Variants in SGCZ observed in about 807,000 individuals in gnomAD.
The protein encoded by SGCZ is zeta-sarcoglycan.
SGCZ carries 40 observed loss-of-function variants against 41.3 expected under a neutral mutation model. That is an observed-to-expected ratio of 0.97 (90% CI 0.75 to 1.26). The LOEUF (loss-of-function observed/expected upper bound fraction) is 1.26. SGCZ is among the 50% of genes most tolerant of loss of function. The probability of loss-of-function intolerance (pLI) is 0.00; values close to 1 mark genes in which losing one functional copy is unlikely to be tolerated. For missense variants in SGCZ, 552 were observed against 369.8 expected, an observed-to-expected ratio of 1.49 and a Z score of -4.04; for synonymous variants, 206 against 137.5, an observed-to-expected ratio of 1.50 and a Z score of -3.49.
At chr8:15,193,866 C>A (rs942295576) in intron 1 of SGCZ, among the ~76,000 whole-genome samples, 2 of 152,016 alleles carry the variant, frequency 1.3e-5, no homozygotes, top group South Asian at 4.1e-4. Flanking sequence ...CATTTATAAC[C>A]AGGGACCTCA....
rs918325040 is a variant in SGCZ, at chr8:14,088,292, A to G, written c.*2151T>C. Among the ~76,000 whole-genome samples, 20 of 151,946 alleles carry G rather than the reference A, an allele frequency of 1.3e-4. No homozygotes were observed. The highest frequency in any genetic ancestry group is 1.3e-3 in the Admixed American group (20 of 15,240). ...TTCTCGAACTGCCTAAAACAGCTCA[A>G]TTGATTAGTAGAAGACAGCTGAGAT... On this transcript the variant is annotated 3_prime_UTR_variant, in exon 8 of 8. Coordinates refer to ENST00000382080, the MANE Select transcript of SGCZ (RefSeq NM_139167.4).
intron 2 of SGCZ, among the ~76,000 whole-genome samples, chr8:14,446,822 C>T (rs957338399): frequency 6.6e-6 from 1 of 151,972 alleles, no homozygotes; most frequent in Non-Finnish European, 1.5e-5. Context: ...GTATATGGAC[C>T]ATTATAGTGT....
chr8:14,873,888 C>A (rs189344354), intron 1 of SGCZ, among the ~76,000 whole-genome samples: 70 of 152,242 alleles, frequency 4.6e-4, no homozygotes, highest in Admixed American at 7.2e-4. Context: ...AACTGTCTTT[C>A]TCTTAGGCTT....
chr8:14,954,941 G>A (rs1800748101), intron 1 of SGCZ, among the ~76,000 whole-genome samples: 1 of 152,126 alleles, frequency 6.6e-6, no homozygotes, highest in South Asian at 2.1e-4. Flanking sequence ...TCAAGTTATT[G>A]CTTTCCCAGG....
intron 1 of SGCZ, among the ~76,000 whole-genome samples, chr8:14,810,156 A>G (rs757274981): frequency 6.6e-6 from 1 of 152,088 alleles, no homozygotes; most frequent in African/African-American, 2.4e-5. Context: ...AGCTCTTATT[A>G]TCATGGCATG....
Position 14,558,500 on chromosome 8 carries a change from G to A in SGCZ, c.40-3574C>T, listed in dbSNP as rs148900813. Among the ~76,000 whole-genome samples, 182 of 151,260 alleles carry A rather than the reference G, an allele frequency of 1.2e-3. 1 individual carries two copies. The East Asian group carries it at 0.027, about 22-fold the overall frequency. Reference sequence around the variant, plus strand: ...TAAGGCAGAAGAATTGCTTGAACCCGGAAGGCAGAGGTTGCAGTGAGCAGA... The same window carrying A: ...TAAGGCAGAAGAATTGCTTGAACCCAGAAGGCAGAGGTTGCAGTGAGCAGA... On this transcript the variant is annotated intron_variant, in intron 1 of 7. Transcript: ENST00000382080.
At chr8:14,478,552 G>C (rs1801428628) in intron 2 of SGCZ, among the ~76,000 whole-genome samples, 1 of 151,988 alleles carries the variant, frequency 6.6e-6, no homozygotes, top group Non-Finnish European at 1.5e-5. Context: ...TGAGTAGGTG[G>C]AGCCCAGACG....
chr8:14,747,216 C>T (rs1436915859), intron 1 of SGCZ, among the ~76,000 whole-genome samples: 2 of 152,238 alleles, frequency 1.3e-5, no homozygotes, highest in African/African-American at 4.8e-5. Context: ...ACCACAGACA[C>T]CTGACCACAG....
intron 1 of SGCZ, among the ~76,000 whole-genome samples, chr8:14,605,151 G>C (rs73194110): frequency 6.6e-6 from 1 of 151,840 alleles, no homozygotes; most frequent in East Asian, 1.9e-4. Context: ...TACTTGCCTC[G>C]AAAAATGACT....
At chr8:15,050,907 C>CT (rs1804487966) in intron 1 of SGCZ, among the ~76,000 whole-genome samples, 1 of 152,144 alleles carries the variant, frequency 6.6e-6, no homozygotes. Flanking sequence ...ACAACATTTT[C>CT]TTTTTTCACC....
chr8:15,126,564 A>T (rs1049937462), intron 1 of SGCZ, among the ~76,000 whole-genome samples: 2 of 152,214 alleles, frequency 1.3e-5, no homozygotes, highest in Non-Finnish European at 2.9e-5. Context: ...TCATGGAAGA[A>T]CTGATGTGAA....
intron 1 of SGCZ, among the ~76,000 whole-genome samples, chr8:15,141,047 C>G (rs950616242): frequency 2.6e-5 from 4 of 152,242 alleles, no homozygotes; most frequent in Admixed American, 6.5e-5. Flanking sequence ...CTACATCTTA[C>G]ATTTCTTTTC....
At chr8:14,602,369 T>C (rs1405250604) in intron 1 of SGCZ, among the ~76,000 whole-genome samples, 1 of 151,928 alleles carries the variant, frequency 6.6e-6, no homozygotes, top group Non-Finnish European at 1.5e-5. Flanking sequence ...CTCGCACCTG[T>C]AATTCCAGGA....
chr8:14,963,622 A>G (rs2130854692), intron 1 of SGCZ, among the ~76,000 whole-genome samples: 1 of 152,336 alleles, frequency 6.6e-6, no homozygotes, highest in Non-Finnish European at 1.5e-5. Context: ...TGCTAGGATT[A>G]CGGGTGTGAG....
intron 1 of SGCZ, among the ~76,000 whole-genome samples, chr8:15,154,133 T>C (rs930427992): frequency 6.6e-6 from 1 of 152,200 alleles, no homozygotes; most frequent in Non-Finnish European, 1.5e-5. Context: ...TAACAGGCCA[T>C]GAACTGGGGG....
intron 5 of SGCZ, among the ~76,000 whole-genome samples, chr8:14,124,742 T>A (rs1802800952): frequency 6.6e-6 from 1 of 152,190 alleles, no homozygotes; most frequent in African/African-American, 2.4e-5. Flanking sequence ...TCATTCTTAT[T>A]CACTTCTTTT....
chr8:14,989,906 G>C (rs1466601775), intron 1 of SGCZ, among the ~76,000 whole-genome samples: 1 of 152,212 alleles, frequency 6.6e-6, no homozygotes, highest in East Asian at 1.9e-4. Flanking sequence ...ACAGAGACAA[G>C]TGAACTGTCC....
At position 14,680,971 on chromosome 8, in the gene SGCZ, A is replaced by AAAAAAAAC. The variant is rs1421496401; in HGVS notation, c.40-126046_40-126045insGTTTTTTT. On this transcript the variant is annotated intron_variant, in intron 1 of 7. Transcript: ENST00000382080. ...ACAGAGGAAAAAGAGTGGGAAAAAA[A>AAAAAAAAC]AAAAAAAAAACAGAAAATCGGTGAA... 8.6e-5 allele frequency among the ~76,000 whole-genome samples: 13 copies of AAAAAAAAC among 150,922 alleles called. No individual in the cohort carries two copies. The East Asian group carries it at 1.7e-3, about 20-fold the overall frequency.
intron 1 of SGCZ, among the ~76,000 whole-genome samples, chr8:14,761,945 G>C (rs1018537216): frequency 6.6e-6 from 1 of 152,138 alleles, no homozygotes; most frequent in African/African-American, 2.4e-5. Context: ...AGTCAGAACT[G>C]CACCAATTTC....
Sources: gnomAD v4.1 joint callset for allele counts (sites outside exome capture counted in the v4.1 genomes callset) on GRCh38, gnomAD v4.1.1 for gene constraint, MANE v1.5 for transcripts, NCBI Gene and HGNC (gene_info 2026-07-23, HGNC 2026-07-21) for gene names.